The following ACSL4 variants were observed in gnomAD, a reference collection of about 807,000 sequenced individuals.
ACSL4 encodes long-chain-fatty-acid--CoA ligase 4.
ACSL4 carries 9 observed loss-of-function variants against 49.1 expected under a neutral mutation model. The observed-to-expected ratio is 0.18, with a 90% CI of 0.11 to 0.32. ACSL4 has a LOEUF of 0.32. Among genes scored for constraint, ACSL4 ranks in the 10% least tolerant of loss-of-function variants. The pLI is 1.00. For missense variants in ACSL4, 333 were observed against 493.7 expected (o/e 0.67, Z 3.08); for synonymous variants, 191 against 170.3 (o/e 1.12, Z -0.95).
chrX:109,708,744 C>T (rs377740758), intron 1 of ACSL4, among the ~76,000 whole-genome samples: 4 of 111,944 alleles, frequency 3.6e-5, no homozygotes, highest in Admixed American at 9.5e-5. Context: ...AAATCTGAAA[C>T]GTTGTGAGCA....
intron 1 of ACSL4, among the ~76,000 whole-genome samples, chrX:109,726,143 A>G (rs1031040670): frequency 6.2e-5 from 7 of 112,604 alleles, no homozygotes; most frequent in African/African-American, 2.3e-4. Flanking sequence ...AAGCAGGCTT[A>G]GCACGGTGGC....
At chrX:109,715,336 G>A (rs1481378953) in intron 1 of ACSL4, among the ~76,000 whole-genome samples, 1 of 110,690 alleles carries the variant, frequency 9.0e-6, no homozygotes, top group East Asian at 2.9e-4. Context: ...CAAATTTTCT[G>A]TAATTTAAAA....
At chrX:109,648,496 A>C in intron 15 of ACSL4, among the ~76,000 whole-genome samples, 1 of 111,350 alleles carries the variant, frequency 9.0e-6, no homozygotes, top group East Asian at 2.8e-4. Flanking sequence ...AAAAACTCTC[A>C]ATAAATTAGG....
chrX:109,685,532 C>T (rs1410190781), intron 2 of ACSL4: 1 of 111,707 alleles, frequency 9.0e-6, no homozygotes, highest in East Asian at 2.8e-4. Context: ...CCTTCTGCAA[C>T]TTTTGTAGAA....
chrX:109,700,300 C>T (rs1338925921), intron 1 of ACSL4, among the ~76,000 whole-genome samples: 1 of 107,289 alleles, frequency 9.3e-6, no homozygotes, highest in East Asian at 2.9e-4. Context: ...GAGGCCAAAG[C>T]GGGCAGATCA....
At chrX:109,660,253 T>C (rs1922065357) in intron 14 of ACSL4, among the ~76,000 whole-genome samples, 1 of 111,319 alleles carries the variant, frequency 9.0e-6, no homozygotes, top group Admixed American at 9.5e-5. Flanking sequence ...AAAAACCAAA[T>C]AGCTCAATTA....
chrX:109,677,991 G>C lies in ACSL4; in HGVS notation c.927C>G (p.Asp309Glu). Residue 309 changes from aspartate to glutamate, a missense_variant, in exon 8 of 16, where the codon GAC (aspartate) becomes GAG (glutamate). By Grantham distance (45) the Asp-to-Glu change is conservative (BLOSUM62 2). This residue lies in a region of ACSL4 where 175 missense variants were observed against 275.8 expected (regional missense o/e 0.63). Coordinates refer to ENST00000672401, the MANE Select transcript of ACSL4 (RefSeq NM_001318510.2). ...AATATACTGAAAAGTTTGTCACCTG[G>C]TCAGAGAGTGTAAGCGGAGAAGAAT... ...IGYSSPLTLS[D>E]QSSKIKKGSK... The C allele has an allele frequency of 8.3e-7, 1 of 1,211,162 alleles. No homozygotes were observed. The highest frequency in any genetic ancestry group is 1.1e-6 in the Non-Finnish European group (1 of 895,164).
intron 6 of ACSL4, among the ~76,000 whole-genome samples, chrX:109,680,426 G>A (rs986817264): frequency 7.1e-5 from 8 of 111,929 alleles, no homozygotes; most frequent in Non-Finnish European, 1.3e-4. Flanking sequence ...TTTGACCATC[G>A]CATTAAACAT....
intron 1 of ACSL4, among the ~76,000 whole-genome samples, chrX:109,710,036 C>T (rs1022462135): frequency 3.7e-4 from 41 of 111,643 alleles, no homozygotes; most frequent in Admixed American, 3.1e-3. Flanking sequence ...ACCCGGGAGG[C>T]GGAGGTTGCA....
intron 1 of ACSL4, among the ~76,000 whole-genome samples, chrX:109,715,575 G>A (rs779870607): frequency 9.0e-6 from 1 of 110,752 alleles, no homozygotes; most frequent in African/African-American, 3.3e-5. Context: ...AGGAGGCAGA[G>A]GTTGCAGTGA....
chrX:109,705,319 T>C (rs1387948564), intron 1 of ACSL4, among the ~76,000 whole-genome samples: 1 of 112,179 alleles, frequency 8.9e-6, no homozygotes, highest in Non-Finnish European at 1.9e-5. Context: ...AGGACAGTTT[T>C]GCTTAAGGAA....
intron 1 of ACSL4, among the ~76,000 whole-genome samples, chrX:109,718,294 GTTAC>G (rs1440387639): frequency 1.8e-5 from 2 of 112,323 alleles, no homozygotes; most frequent in African/African-American, 6.5e-5. Flanking sequence ...TTCAAAATGT[GTTAC>G]TTACATCTCA....
At chrX:109,653,532 A>G (rs1343767777) in intron 15 of ACSL4, among the ~76,000 whole-genome samples, 2 of 111,493 alleles carry the variant, frequency 1.8e-5, no homozygotes, top group Non-Finnish European at 1.9e-5. Context: ...ACTATTCACA[A>G]CAGCAAAGAC....
At chrX:109,697,521 G>A (rs910287138) in intron 1 of ACSL4, among the ~76,000 whole-genome samples, 9 of 110,937 alleles carry the variant, frequency 8.1e-5, no homozygotes, top group African/African-American at 2.3e-4. Flanking sequence ...TACTAACAAA[G>A]GCTAGTTAAT....
intron 1 of ACSL4, among the ~76,000 whole-genome samples, chrX:109,699,556 G>A (rs1464840311): frequency 4.5e-5 from 5 of 111,457 alleles, no homozygotes; most frequent in African/African-American, 6.5e-5. Context: ...TAGAAATGTT[G>A]TTATCAAGAA....
chrX:109,663,291 G>A lies in ACSL4; in HGVS notation c.1502C>T (p.Ser501Phe). ...KNEEKTAEDY[S>F]VDENGQRWFC... ...CCACCTTTGTCCATTTTCATCCACA[G>A]AATAATCTTCTGCTGTTTTCTCTTC... The change falls in exon 13 of 16, where the codon TCT becomes TTT. Residue 501 changes from serine (S) to phenylalanine (F), a missense_variant. Physicochemically the swap from Ser to Phe is radical, Grantham distance 155 (BLOSUM62 -2). This residue lies in a region of ACSL4 where 175 missense variants were observed against 275.8 expected (regional missense o/e 0.63). Transcript: ENST00000672401. 2 of 1,208,946 alleles carry A rather than the reference G, an allele frequency of 1.7e-6. No individual in the cohort carries two copies. Among genetic ancestry groups the A allele is most frequent in the Non-Finnish European group, 1.1e-6 (1 of 893,201 alleles).
chrX:109,644,201 G>A lies in ACSL4; in HGVS notation c.1856-15C>T. The A allele has an allele frequency of 8.4e-7, 1 of 1,197,111 alleles. No individual in the cohort carries two copies. Among genetic ancestry groups the A allele is most frequent in the East Asian group, 3.0e-5 (1 of 33,567 alleles). Reference sequence around the variant, plus strand: ...CTCCAATTTCACTGAAATTAGAAGTGAAAGATGGGAGAAAAGGAGAGGGGG... The same window carrying A: ...CTCCAATTTCACTGAAATTAGAAGTAAAAGATGGGAGAAAAGGAGAGGGGG... On this transcript the variant is annotated splice_polypyrimidine_tract_variant and intron_variant, in intron 15 of 15. Coordinates refer to ENST00000672401, the MANE Select transcript of ACSL4 (RefSeq NM_001318510.2).
At chrX:109,645,011 G>A (rs1292445753) in intron 15 of ACSL4, among the ~76,000 whole-genome samples, 13 of 112,839 alleles carry the variant, frequency 1.2e-4, no homozygotes, top group Middle Eastern at 4.6e-3. Context: ...CACCTGGCTC[G>A]GAGGGTCCTA....
intron 2 of ACSL4, among the ~76,000 whole-genome samples, chrX:109,694,410 A>G (rs1925269589): frequency 2.7e-5 from 3 of 111,985 alleles, no homozygotes; most frequent in African/African-American, 9.7e-5. Context: ...GACCTGGAAC[A>G]AATTAACCTC....
Sources: gnomAD v4.1 joint callset for allele counts (sites outside exome capture counted in the v4.1 genomes callset) on GRCh38, gnomAD v4.1.1 for gene constraint, gnomAD v4.1.1 regional missense constraint, MANE v1.5 for transcripts, NCBI Gene and HGNC (gene_info 2026-07-23, HGNC 2026-07-21) for gene names.